The following CDNF variants were observed in gnomAD, a reference collection of about 807,000 sequenced individuals.
CDNF encodes the protein ARMET-like protein 1.
Under a neutral mutation model 14.8 loss-of-function variants are expected in CDNF, and 9 were observed. The ratio of observed to expected loss-of-function variants is 0.61; its 90% CI spans 0.37 to 1.06. The LOEUF (loss-of-function observed/expected upper bound fraction) is 1.06, where lower values mean the gene tolerates loss of function less well. Ranked by LOEUF, CDNF falls within the 50% of genes least tolerant of loss-of-function variation. The pLI is 0.01. For missense variants in CDNF, 228 were observed against 228.4 expected (o/e 1.00, Z 0.01); for synonymous variants, 86 against 87.2 (o/e 0.99, Z 0.07).
chr10:14,820,791 G>T (rs182316554), intron 3 of CDNF, among the ~76,000 whole-genome samples: 2,190 of 152,186 alleles, frequency 0.014, 60 homozygotes, highest in African/African-American at 0.049. Context: ...GTTTGGATTT[G>T]TGTCTCCACT....
At chr10:14,837,551 C>G (rs181860117) in intron 1 of CDNF, among the ~76,000 whole-genome samples, 1 of 152,252 alleles carries the variant, frequency 6.6e-6, no homozygotes, top group Admixed American at 6.5e-5. Flanking sequence ...TCATCTGAAT[C>G]TAGCATTCTT....
intron 2 of CDNF, among the ~76,000 whole-genome samples, chr10:14,826,119 C>CAGCAGA (rs1427613556): frequency 0.026 from 3,019 of 117,362 alleles, 128 homozygotes; most frequent in Middle Eastern, 0.043. Flanking sequence ...GCAGCAGCAG[C>CAGCAGA]AGCAGAAGCA....
chr10:14,826,548 A>G (rs1833798777), intron 2 of CDNF, among the ~76,000 whole-genome samples: 2 of 152,198 alleles, frequency 1.3e-5, no homozygotes, highest in Admixed American at 1.3e-4. Context: ...AGAAAGAAGA[A>G]GAGAGGTTAA....
At chr10:14,824,048 G>T (rs1482370439) in intron 3 of CDNF, among the ~76,000 whole-genome samples, 1 of 152,182 alleles carries the variant, frequency 6.6e-6, no homozygotes, top group Non-Finnish European at 1.5e-5. Context: ...GGCTGTGTTG[G>T]AAAATAAGAC....
intron 3 of CDNF, among the ~76,000 whole-genome samples, chr10:14,821,807 C>T (rs1396147456): frequency 1.3e-5 from 2 of 152,130 alleles, no homozygotes; most frequent in Non-Finnish European, 2.9e-5. Context: ...GTTAAGGTAA[C>T]AAGAAGGAAA....
chr10:14,826,076 G>GAAC (rs1833782348), intron 2 of CDNF, among the ~76,000 whole-genome samples: 1 of 143,234 alleles, frequency 7.0e-6, no homozygotes, highest in Non-Finnish European at 1.5e-5. Context: ...AGAAGAAGAA[G>GAAC]AAGAAGAAGA....
intron 1 of CDNF, 85 bp downstream of exon 1, chr10:14,837,747 G>C: frequency 1.4e-6 from 1 of 733,366 alleles, no homozygotes; most frequent in African/African-American, 1.8e-5. Context: ...GTTATTTATA[G>C]CCAGGGCCAG....
chr10:14,819,883 TATG>T lies in CDNF; in HGVS notation c.*94_*96del, dbSNP rs1833722714. Reference sequence around the variant, plus strand: ...CCAACACAAAAAGCATGAGACCAAATATGATGCATTCCCAGTTATCCTTAATCA... The same window carrying T: ...CCAACACAAAAAGCATGAGACCAAATATGCATTCCCAGTTATCCTTAATCA... On this transcript the variant is annotated 3_prime_UTR_variant, in exon 4 of 4. Transcript: ENST00000465530. The T allele has an allele frequency of 8.1e-7, 1 of 1,228,114 alleles. No individual in the cohort carries two copies. 76.1% of individuals were successfully genotyped at this position (1,228,114 alleles called of 1,614,324 possible). A position where few individuals can be genotyped will look rare whatever the true frequency, so the allele number is the denominator to read the frequency against.
intron 1 of CDNF, among the ~76,000 whole-genome samples, chr10:14,832,260 A>AAGG (rs1833850268): frequency 6.6e-6 from 1 of 152,236 alleles, no homozygotes; most frequent in Non-Finnish European, 1.5e-5. Context: ...AGCAAGTACC[A>AAGG]AGGCTCAAAT....
intron 3 of CDNF, among the ~76,000 whole-genome samples, 179 bp from the exon 4 acceptor site, chr10:14,820,337 A>G (rs1164655789): frequency 6.6e-6 from 1 of 152,254 alleles, no homozygotes; most frequent in East Asian, 1.9e-4. Flanking sequence ...GTGGTACAGC[A>G]GCCCTCTCTA....
chr10:14,827,356 G>T (rs1391072834), intron 2 of CDNF, among the ~76,000 whole-genome samples: 1 of 152,036 alleles, frequency 6.6e-6, no homozygotes, highest in African/African-American at 2.4e-5. Context: ...AAAAGGAATT[G>T]GCCCCAAATT....
intron 3 of CDNF, among the ~76,000 whole-genome samples, chr10:14,821,065 G>C (rs552912086): frequency 6.6e-6 from 1 of 152,226 alleles, no homozygotes; most frequent in East Asian, 1.9e-4. Flanking sequence ...TGTACAGCCT[G>C]TGGAGCTGTG....
chr10:14,831,582 A>T (rs113470217), intron 1 of CDNF, among the ~76,000 whole-genome samples: 21,689 of 149,756 alleles, frequency 0.14, 1,732 homozygotes, highest in South Asian at 0.3. Context: ...ATATATATAT[A>T]TTTTTTTTCA....
rs557887548 is a variant in CDNF at position 14,835,637 on chromosome 10, TTAAAGA to T, written c.115+2189_115+2194del. Reference sequence around the variant, plus strand: ...TATTTATATTGTGCTTTTATGTTTATTAAAGATAGTTTTATAAGTGAATCTATAATT... The same window carrying T: ...TATTTATATTGTGCTTTTATGTTTATTAGTTTTATAAGTGAATCTATAATT... On this transcript the variant is annotated intron_variant, in intron 1 of 3. Transcript: ENST00000465530. 2.4e-3 allele frequency among the ~76,000 whole-genome samples: 367 copies of T among 152,342 alleles called. 2 individuals are homozygous for T. Among genetic ancestry groups the T allele is most frequent in the Non-Finnish European group, 1.3e-3 (88 of 68,034 alleles).
intron 1 of CDNF, among the ~76,000 whole-genome samples, chr10:14,828,564 T>G (rs1833818628): frequency 6.6e-6 from 1 of 152,058 alleles, no homozygotes; most frequent in Non-Finnish European, 1.5e-5. Flanking sequence ...GGAGAATCAC[T>G]TGAACCCAGC....
chr10:14,827,245 G>C (rs1467644345), intron 2 of CDNF, among the ~76,000 whole-genome samples: 1 of 151,654 alleles, frequency 6.6e-6, no homozygotes, highest in African/African-American at 2.4e-5. Flanking sequence ...AATATAGATA[G>C]ATAGACCTTA....
At chr10:14,826,020 A>AAGAAGG (rs1564313229) in intron 2 of CDNF, among the ~76,000 whole-genome samples, 20 of 113,290 alleles carry the variant, frequency 1.8e-4, no homozygotes, top group South Asian at 9.5e-4. Flanking sequence ...GAAGCAGAAG[A>AAGAAGG]AGAAGAAGGA....
At chr10:14,827,014 G>A (rs1157786181) in intron 2 of CDNF, among the ~76,000 whole-genome samples, 10 of 129,066 alleles carry the variant, frequency 7.7e-5, no homozygotes, top group African/African-American at 3.0e-4. Context: ...TCAGGAGTTC[G>A]AGATCAGCCT....
chr10:14,822,967 C>A (rs1833750025), intron 3 of CDNF, among the ~76,000 whole-genome samples: 1 of 152,180 alleles, frequency 6.6e-6, no homozygotes, highest in Non-Finnish European at 1.5e-5. Context: ...CCAAATGGCA[C>A]CTTCCTAATT....
Sources: allele counts gnomAD v4.1 joint callset (sites outside exome capture counted in the v4.1 genomes callset), GRCh38; gene constraint gnomAD v4.1.1; transcripts MANE v1.5; gene names NCBI Gene and HGNC (gene_info 2026-07-23, HGNC 2026-07-21).